The following SLFN12L variants were observed in gnomAD, a reference collection of about 807,000 sequenced individuals.
The protein encoded by SLFN12L is schlafen family member 12 like.
SLFN12L carries 34 observed loss-of-function variants against 34.8 expected under a neutral mutation model. The observed-to-expected ratio is 0.98, with a 90% CI of 0.74 to 1.30. SLFN12L has a LOEUF of 1.30. SLFN12L is among the 50% of genes most tolerant of loss of function. The pLI is 0.00. For missense variants in SLFN12L, 703 were observed against 696.2 expected (o/e 1.01, Z -0.11); for synonymous variants, 259 against 247.5 (o/e 1.05, Z -0.44).
chr17:35,515,005 C>G (rs186010054), intron 2 of SLFN12L: 16 of 504,750 alleles, frequency 3.2e-5, no homozygotes, highest in African/African-American at 2.6e-4. Flanking sequence ...GCTTCAGCAT[C>G]TTTAAGGTCA....
At chr17:35,490,662 G>T (rs888607034) in intron 2 of SLFN12L, 11 of 988,110 alleles carry the variant, frequency 1.1e-5, no homozygotes, top group Admixed American at 1.7e-5. Context: ...CAAGCTGCAC[G>T]CTGGACCTCA....
intron 1 of SLFN12L, among the ~76,000 whole-genome samples, chr17:35,530,240 G>T (rs900796952): frequency 6.7e-6 from 1 of 148,416 alleles, no homozygotes; most frequent in Admixed American, 6.8e-5. Context: ...CTAGCTACTC[G>T]GGAGGCTGAG....
intron 2 of SLFN12L, among the ~76,000 whole-genome samples, chr17:35,496,966 G>A (rs1035449035): frequency 3.9e-5 from 6 of 152,146 alleles, no homozygotes; most frequent in Non-Finnish European, 8.8e-5. Flanking sequence ...GTTTTCCCAG[G>A]GCATCAAAAG....
intron 1 of SLFN12L, 39 bp from the exon 2 acceptor site, chr17:35,523,008 G>C (rs1217886616): frequency 2.2e-6 from 1 of 449,092 alleles, no homozygotes; most frequent in African/African-American, 2.0e-5. Context: ...GGAAGGAGAA[G>C]AATCATACTG....
intron 2 of SLFN12L, among the ~76,000 whole-genome samples, chr17:35,501,098 G>A (rs1915280077): frequency 6.6e-6 from 1 of 152,234 alleles, no homozygotes; most frequent in Admixed American, 6.5e-5. Flanking sequence ...CAGAAAGCGA[G>A]GTGATTAACA....
intron 1 of SLFN12L, among the ~76,000 whole-genome samples, chr17:35,530,439 G>GAAAGAAA (rs1555545945): frequency 1.8e-4 from 2 of 10,954 alleles, no homozygotes; most frequent in Non-Finnish European, 6.4e-4. Context: ...GGGAAGGGAA[G>GAAAGAAA]GGAAGAAAGA....
At position 35,472,456 on chromosome 17, in the gene SLFN12L, T is replaced by C. The variant is rs1913822618; in HGVS notation, c.*2467A>G. On this transcript the variant is annotated 3_prime_UTR_variant, in exon 5 of 5. Transcript: ENST00000628453. Reference sequence around the variant, plus strand: ...TCAGATGGTTATAGATGTGTGGTGTTATTTCTGAGGTCTCTGTTCTGTTCC... The same window carrying C: ...TCAGATGGTTATAGATGTGTGGTGTCATTTCTGAGGTCTCTGTTCTGTTCC... Among the ~76,000 whole-genome samples the C allele has an allele frequency of 6.6e-6, 1 of 152,220 alleles. No individual in the cohort carries two copies. The highest frequency in any genetic ancestry group is 2.4e-5 in the African/African-American group (1 of 41,452).
At chr17:35,487,838 T>C (rs1914659346) in intron 2 of SLFN12L, 1 of 1,326,580 alleles carries the variant, frequency 7.5e-7, no homozygotes, top group East Asian at 2.5e-5. Context: ...GCTGCATTTC[T>C]ATCGGGCACT....
intron 1 of SLFN12L, among the ~76,000 whole-genome samples, chr17:35,526,846 A>C (rs2072340324): frequency 6.6e-6 from 1 of 152,170 alleles, no homozygotes; most frequent in Non-Finnish European, 1.5e-5. Context: ...GAAGACAAGA[A>C]ATAACTAAGA....
At chr17:35,487,993 G>C in intron 2 of SLFN12L, 1 of 664,172 alleles carries the variant, frequency 1.5e-6, no homozygotes, top group Admixed American at 2.1e-5. Flanking sequence ...TGGATCACCA[G>C]CTTAGGAGAT....
chr17:35,498,091 G>A (rs1015424674), intron 2 of SLFN12L: 17 of 530,084 alleles, frequency 3.2e-5, no homozygotes, highest in Admixed American at 3.5e-5. Flanking sequence ...GGCGGGGCGC[G>A]GGGCTCCAGG....
intron 2 of SLFN12L, among the ~76,000 whole-genome samples, chr17:35,482,441 T>C (rs1446477877): frequency 6.6e-6 from 1 of 152,304 alleles, no homozygotes; most frequent in African/African-American, 2.4e-5. Flanking sequence ...TCTTCCAAGT[T>C]GGGACGTGAG....
At chr17:35,514,486 G>C (rs1203152064) in intron 2 of SLFN12L, among the ~76,000 whole-genome samples, 2 of 146,780 alleles carry the variant, frequency 1.4e-5, no homozygotes, top group Non-Finnish European at 3.0e-5. Context: ...CATAAGCAAG[G>C]CCATATGCAC....
At chr17:35,534,711 A>C (rs967658561) in intron 1 of SLFN12L, among the ~76,000 whole-genome samples, 1 of 152,226 alleles carries the variant, frequency 6.6e-6, no homozygotes, top group Admixed American at 6.5e-5. Flanking sequence ...GAATGGGCCC[A>C]GTCACTGGCG....
At chr17:35,486,185 T>C (rs1914574016) in intron 2 of SLFN12L, among the ~76,000 whole-genome samples, 1 of 152,180 alleles carries the variant, frequency 6.6e-6, no homozygotes, top group African/African-American at 2.4e-5. Flanking sequence ...CTTTCAGCAG[T>C]GTTTCATAGT....
intron 2 of SLFN12L, among the ~76,000 whole-genome samples, chr17:35,481,106 C>T (rs1260583349): frequency 6.6e-6 from 1 of 152,206 alleles, no homozygotes; most frequent in East Asian, 1.9e-4. Flanking sequence ...TTTGTTACGC[C>T]CGGACAGGGC....
intron 2 of SLFN12L, among the ~76,000 whole-genome samples, chr17:35,489,547 C>T (rs1179007711): frequency 6.6e-6 from 1 of 151,968 alleles, no homozygotes; most frequent in Non-Finnish European, 1.5e-5. Flanking sequence ...GAGTGAAACC[C>T]TGTCCGTATA....
intron 2 of SLFN12L, among the ~76,000 whole-genome samples, chr17:35,495,045 C>T (rs1298474687): frequency 6.6e-6 from 1 of 151,878 alleles, no homozygotes; most frequent in Non-Finnish European, 1.5e-5. Context: ...ACTACAGGGG[C>T]GCCCCACCAC....
intron 1 of SLFN12L, among the ~76,000 whole-genome samples, chr17:35,536,849 A>C (rs902486246): frequency 4.6e-5 from 7 of 151,488 alleles, no homozygotes; most frequent in African/African-American, 1.7e-4. Context: ...CCCTTTTCAT[A>C]GTGATGAAGC....
Sources: allele counts gnomAD v4.1 joint callset (sites outside exome capture counted in the v4.1 genomes callset), GRCh38; gene constraint gnomAD v4.1.1; transcripts MANE v1.5; gene names NCBI Gene and HGNC (gene_info 2026-07-23, HGNC 2026-07-21).